Variants in NCEH1 observed in about 807,000 individuals in gnomAD.
NCEH1 encodes the protein neutral cholesterol ester hydrolase 1.
NCEH1 carries 9 observed loss-of-function variants against 25.4 expected under a neutral mutation model. The observed-to-expected ratio is 0.35, with a 90% CI of 0.21 to 0.62. The LOEUF (loss-of-function observed/expected upper bound fraction) is 0.62. NCEH1 is among the 20% of genes least tolerant of loss of function. The probability of loss-of-function intolerance (pLI) is 0.72; values close to 1 mark genes in which losing one functional copy is unlikely to be tolerated. For synonymous variants in NCEH1, 200 were observed against 199.8 expected (o/e 1.00, Z -0.01); for missense variants, 412 against 501.1 (o/e 0.82, Z 1.70).
chr3:172,671,510 C>CAT (rs34527356), intron 1 of NCEH1, among the ~76,000 whole-genome samples: 10,393 of 144,442 alleles, frequency 0.072, 1,316 homozygotes, highest in African/African-American at 0.26. Flanking sequence ...TACACATACA[C>CAT]ACACACACAC....
intron 1 of NCEH1, among the ~76,000 whole-genome samples, chr3:172,683,475 G>A (rs1159886158): frequency 6.7e-6 from 1 of 149,532 alleles, no homozygotes; most frequent in Non-Finnish European, 1.5e-5. Context: ...TTCAAGACAA[G>A]CCTGGGCAAT....
intron 1 of NCEH1, among the ~76,000 whole-genome samples, chr3:172,687,613 G>A (rs1211130594): frequency 1.3e-5 from 2 of 152,210 alleles, no homozygotes; most frequent in East Asian, 1.9e-4. Context: ...AGGGAGTAGG[G>A]AGTCTTGTGG....
At position 172,708,268 on chromosome 3, in the gene NCEH1, T is replaced by A. The variant is rs530950084; in HGVS notation, c.138+2579A>T. 3.9e-5 allele frequency among the ~76,000 whole-genome samples: 6 copies of A among 152,368 alleles called. No homozygotes were observed. In the South Asian group the frequency reaches 1.2e-3, roughly 32 times the overall value. On this transcript the variant is annotated intron_variant, in intron 1 of 4. Coordinates refer to ENST00000475381, the MANE Select transcript of NCEH1 (RefSeq NM_020792.6). ...TAGGAAATAGGCTGAGCTTAATCTC[T>A]CAAACAGCTTAAATTGCTTTTGTAG...
intron 1 of NCEH1, among the ~76,000 whole-genome samples, chr3:172,690,665 G>T (rs764894091): frequency 1.4e-4 from 21 of 151,928 alleles, no homozygotes; most frequent in Non-Finnish European, 2.6e-4. Flanking sequence ...CTAAATTTTT[G>T]GTAATAGGAG....
At chr3:172,663,797 TG>T (rs1718080816) in intron 1 of NCEH1, among the ~76,000 whole-genome samples, 1 of 152,212 alleles carries the variant, frequency 6.6e-6, no homozygotes, top group African/African-American at 2.4e-5. Context: ...TGCTTTTTTT[TG>T]TTTTCCATTT....
intron 1 of NCEH1, among the ~76,000 whole-genome samples, chr3:172,693,802 T>C (rs1026157941): frequency 6.6e-6 from 1 of 152,248 alleles, no homozygotes; most frequent in Non-Finnish European, 1.5e-5. Context: ...AGTAGAAACC[T>C]CTGTGGCTGC....
chr3:172,684,756 G>A (rs1208604546), intron 1 of NCEH1, among the ~76,000 whole-genome samples: 27 of 152,162 alleles, frequency 1.8e-4, no homozygotes, highest in Admixed American at 1.5e-3. Flanking sequence ...AGAGGCGGGC[G>A]GATCACTTAA....
intron 3 of NCEH1, among the ~76,000 whole-genome samples, chr3:172,636,511 C>T (rs1716603539): frequency 6.6e-6 from 1 of 152,190 alleles, no homozygotes. Context: ...GGATTAACCA[C>T]TTCATTGATC....
At chr3:172,706,493 A>ATTT (rs1713994683) in intron 1 of NCEH1, among the ~76,000 whole-genome samples, 1 of 135,338 alleles carries the variant, frequency 7.4e-6, no homozygotes, top group African/African-American at 2.9e-5. Flanking sequence ...CTGTTCTTAC[A>ATTT]TTTTTCTTTT....
At chr3:172,636,742 C>T (rs936064099) in intron 3 of NCEH1, among the ~76,000 whole-genome samples, 2 of 152,200 alleles carry the variant, frequency 1.3e-5, no homozygotes, top group South Asian at 2.1e-4. Flanking sequence ...GGCCCCACTT[C>T]GCAAGATCAG....
chr3:172,636,908 C>A (rs1716620174), intron 3 of NCEH1, among the ~76,000 whole-genome samples: 1 of 152,084 alleles, frequency 6.6e-6, no homozygotes, highest in African/African-American at 2.4e-5. Context: ...TCTCTACTCC[C>A]CTCTTTTGCT....
intron 1 of NCEH1, among the ~76,000 whole-genome samples, chr3:172,689,167 G>A (rs1712876677): frequency 1.3e-5 from 2 of 151,436 alleles, no homozygotes; most frequent in African/African-American, 4.9e-5. Flanking sequence ...GTAAAGCTGA[G>A]GATTTCATTT....
chr3:172,687,179 TCTC>T (rs748353340), intron 1 of NCEH1, among the ~76,000 whole-genome samples: 1 of 152,086 alleles, frequency 6.6e-6, no homozygotes, highest in Non-Finnish European at 1.5e-5. Flanking sequence ...TTTATTTTCT[TCTC>T]CTCTATCACC....
rs150257518 is a variant in NCEH1, at chr3:172,637,751, C to G, written c.438-1664G>C. ...TAAAAATACAAAAATTAGCCAGGCA[C>G]GGTCGTGGGCGCCTGTAATCCCAAC... On this transcript the variant is annotated intron_variant, in intron 3 of 4. Coordinates refer to ENST00000475381, the MANE Select transcript of NCEH1 (RefSeq NM_020792.6). 8.7e-4 allele frequency among the ~76,000 whole-genome samples: 133 copies of G among 152,238 alleles called. 1 individual carries two copies. Among genetic ancestry groups the G allele is most frequent in the Non-Finnish European group, 1.7e-3 (113 of 68,024 alleles).
intron 1 of NCEH1, among the ~76,000 whole-genome samples, chr3:172,649,235 C>CATAT (rs201062775): frequency 4.0e-5 from 6 of 151,132 alleles, no homozygotes; most frequent in African/African-American, 7.3e-5. Flanking sequence ...TATATACATA[C>CATAT]ATATATATAT....
rs983659123 is a variant in NCEH1 at position 172,664,895 on chromosome 3, G to A, written c.139-16781C>T. On this transcript the variant is annotated intron_variant, in intron 1 of 4. Coordinates refer to ENST00000475381, the MANE Select transcript of NCEH1 (RefSeq NM_020792.6). ...CTAGGTTTTTAGCTTCTTTGTGATG[G>A]GTTCGAACATCCTCCTTTAGCTGGG... Among the ~76,000 whole-genome samples the A allele has an allele frequency of 7.9e-5, 12 of 152,168 alleles. No homozygotes were observed. In the South Asian group the frequency reaches 2.3e-3, roughly 29 times the overall value.
intron 1 of NCEH1, among the ~76,000 whole-genome samples, chr3:172,701,237 C>T (rs1384585504): frequency 1.3e-5 from 2 of 152,172 alleles, no homozygotes; most frequent in Non-Finnish European, 2.9e-5. Context: ...TATCTTCACC[C>T]TCAGATCTGC....
At chr3:172,654,086 G>A (rs1238556140) in intron 1 of NCEH1, among the ~76,000 whole-genome samples, 1 of 152,126 alleles carries the variant, frequency 6.6e-6, no homozygotes, top group Non-Finnish European at 1.5e-5. Context: ...ACACCTATGG[G>A]TAGGTAAGGT....
chr3:172,665,160 T>TTGTTGA (rs975747754), intron 1 of NCEH1, among the ~76,000 whole-genome samples: 3 of 152,164 alleles, frequency 2.0e-5, no homozygotes, highest in Admixed American at 2.0e-4. Flanking sequence ...GATGTCTTTT[T>TTGTTGA]TGTTGATGTT....
Sources: allele counts gnomAD v4.1 joint callset (sites outside exome capture counted in the v4.1 genomes callset), GRCh38; gene constraint gnomAD v4.1.1; transcripts MANE v1.5; gene names NCBI Gene and HGNC (gene_info 2026-07-23, HGNC 2026-07-21).